The following KAZN variants were observed in gnomAD, a reference collection of about 807,000 sequenced individuals.
KAZN encodes kazrin, periplakin interacting protein.
KAZN carries 40 observed loss-of-function variants against 87.4 expected under a neutral mutation model. The ratio of observed to expected loss-of-function variants is 0.46; its 90% confidence interval spans 0.36 to 0.60. KAZN has a LOEUF of 0.60. Among genes scored for constraint, KAZN ranks in the 20% least tolerant of loss-of-function variants. The probability of loss-of-function intolerance (pLI) is 0.00; values close to 1 mark genes in which losing one functional copy is unlikely to be tolerated. For synonymous variants in KAZN, 466 were observed against 458.3 expected (o/e 1.02, Z -0.22); for missense variants, 898 against 1,073.9 (o/e 0.84, Z 2.29).
chr1:14,282,822 G>A (rs774726188), intron 2 of KAZN, among the ~76,000 whole-genome samples: 1 of 152,138 alleles, frequency 6.6e-6, no homozygotes, highest in Non-Finnish European at 1.5e-5. Flanking sequence ...TAGGGATGCC[G>A]AGCGCCCTTT....
Position 14,115,889 on chromosome 1 carries a change from G to A in KAZN, c.92-64546G>A, listed in dbSNP as rs570537983. Among the ~76,000 whole-genome samples, 7 of 152,318 alleles carry A rather than the reference G, an allele frequency of 4.6e-5. No individual in the cohort carries two copies. The East Asian group carries it at 1.2e-3, about 25-fold the overall frequency. On this transcript the variant is annotated intron_variant, in intron 1 of 16. Transcript: ENST00000636203. ...AATAAGGACCTTCTTGGGAACTAGA[G>A]CAAAGGTGAGTCTTGTTACGTTTTA...
At chr1:14,481,222 C>T (rs61771912) in intron 2 of KAZN, among the ~76,000 whole-genome samples, 208 of 152,260 alleles carry the variant, frequency 1.4e-3, no homozygotes, top group Non-Finnish European at 2.3e-3. Context: ...CCTGCCCACT[C>T]AGTTTTCATA....
chr1:14,477,912 C>G (rs1173494675), intron 2 of KAZN, among the ~76,000 whole-genome samples: 1 of 152,172 alleles, frequency 6.6e-6, no homozygotes, highest in Non-Finnish European at 1.5e-5. Flanking sequence ...TACTTTGAGG[C>G]ATGGTTTCTT....
intron 1 of KAZN, among the ~76,000 whole-genome samples, chr1:14,170,754 C>T (rs1645938249): frequency 6.6e-6 from 1 of 151,884 alleles, no homozygotes; most frequent in Admixed American, 6.6e-5. Flanking sequence ...CAGAGTCTCA[C>T]TCTGTCACCC....
chr1:14,598,804 C>T lies in KAZN; in HGVS notation c.-194C>T. 2 of 1,349,996 alleles carry T rather than the reference C, an allele frequency of 1.5e-6. No homozygotes were observed. Among genetic ancestry groups the T allele is most frequent in the East Asian group, 3.1e-5 (1 of 31,930 alleles). 83.6% of individuals were successfully genotyped at this position (1,349,996 alleles called of 1,614,324 possible). A position where few individuals can be genotyped will look rare whatever the true frequency, so the allele number is the denominator to read the frequency against. On this transcript the variant is annotated 5_prime_UTR_variant, in exon 1 of 15. Coordinates refer to ENST00000376030, the MANE Select transcript of KAZN (RefSeq NM_201628.3). This position sits in a 1 kb window ranked among gnomAD's most constrained non-coding sequence, Gnocchi z 4.2. ...TCCCCCCGCCGCCTCGCCACCGCCG[C>T]GGCTAGGGCTGGAGGCGCCGCTGTC...
At chr1:14,706,061 A>G (rs748816639) in intron 1 of KAZN, among the ~76,000 whole-genome samples, 1 of 152,110 alleles carries the variant, frequency 6.6e-6, no homozygotes, top group Non-Finnish European at 1.5e-5. Flanking sequence ...TTCGATTTGC[A>G]TAGGAATGTG....
intron 1 of KAZN, among the ~76,000 whole-genome samples, chr1:14,022,523 G>GA (rs1640889949): frequency 8.7e-6 from 1 of 114,496 alleles, no homozygotes; most frequent in South Asian, 3.1e-4. Flanking sequence ...AAGAAAAAAA[G>GA]AAAAAAGAAA....
chr1:14,432,785 C>T (rs926050843), intron 2 of KAZN, among the ~76,000 whole-genome samples: 3 of 152,078 alleles, frequency 2.0e-5, no homozygotes, highest in African/African-American at 4.8e-5. Flanking sequence ...CCTATGTTCT[C>T]ATTGTTCAGT....
At chr1:13,962,644 A>C (rs898809168) in intron 1 of KAZN, among the ~76,000 whole-genome samples, 1 of 152,006 alleles carries the variant, frequency 6.6e-6, no homozygotes, top group African/African-American at 2.4e-5. Flanking sequence ...TGCAACCTCC[A>C]CCTGCCAGGT....
intron 1 of KAZN, among the ~76,000 whole-genome samples, chr1:14,872,224 G>A (rs561688512): frequency 2.1e-3 from 324 of 152,256 alleles, no homozygotes; most frequent in Non-Finnish European, 3.4e-3. Context: ...TTTCTTGTCT[G>A]CAAAATGGGA....
chr1:14,507,370 C>A (rs548269788), intron 2 of KAZN, among the ~76,000 whole-genome samples: 5 of 152,276 alleles, frequency 3.3e-5, no homozygotes, highest in African/African-American at 7.2e-5. Flanking sequence ...AAATGACTTA[C>A]AACAGCTGCT....
rs1671092933 is a variant in KAZN at position 14,514,342 on chromosome 1, A to ATTATATATATT, written c.250-84639_250-84638insATATATATTTT. Reference sequence around the variant, plus strand: ...TCTGTCTCAAAAAATTTATATATATATTTATATATATTATATATATATTTA... The same window carrying ATTATATATATT: ...TCTGTCTCAAAAAATTTATATATATATTATATATATTTTTATATATATTATATATATATTTA... On this transcript the variant is annotated intron_variant, in intron 2 of 16. Transcript: ENST00000636203. Among the ~76,000 whole-genome samples, 75 of 26,968 alleles carry ATTATATATATT rather than the reference A, an allele frequency of 2.8e-3. 13 individuals are homozygous for ATTATATATATT. The highest frequency in any genetic ancestry group is 4.7e-3 in the Non-Finnish European group (68 of 14,572). 17.7% of individuals were successfully genotyped at this position (26,968 alleles called of 152,430 possible). A position where few individuals can be genotyped will look rare whatever the true frequency, so the allele number is the denominator to read the frequency against.
At chr1:14,432,279 A>G (rs944327462) in intron 2 of KAZN, among the ~76,000 whole-genome samples, 3 of 152,246 alleles carry the variant, frequency 2.0e-5, no homozygotes, top group Non-Finnish European at 4.4e-5. Context: ...TCACAGTTCA[A>G]TTCTGCAACA....
rs1210201781 is a variant in KAZN at position 14,421,319 on chromosome 1, T to G, written c.250-177664T>G. 2.6e-5 allele frequency among the ~76,000 whole-genome samples: 4 copies of G among 152,302 alleles called. No individual in the cohort carries two copies. In the East Asian group the frequency reaches 5.8e-4, roughly 22 times the overall value. On this transcript the variant is annotated intron_variant, in intron 2 of 16. Transcript: ENST00000636203. ...CCATTCAGAATTTGGTTATTGACTCTGTATTATCTTACATTCTTCTTTTGG... is the reference window on the plus strand; with the variant it reads ...CCATTCAGAATTTGGTTATTGACTCGGTATTATCTTACATTCTTCTTTTGG...
chr1:14,709,268 AAAAACCCAATT>A (rs1642368657), intron 1 of KAZN, among the ~76,000 whole-genome samples: 1 of 152,200 alleles, frequency 6.6e-6, no homozygotes, highest in Non-Finnish European at 1.5e-5. Context: ...TTCTAGAATG[AAAAACCCAATT>A]AATAAAGTGC....
intron 1 of KAZN, among the ~76,000 whole-genome samples, chr1:14,900,479 C>T (rs919148064): frequency 3.3e-5 from 5 of 152,064 alleles, no homozygotes; most frequent in Admixed American, 2.6e-4. Context: ...GTTGGCCGGG[C>T]GCAGTGGCTC....
chr1:14,662,903 AAT>A (rs1027520221), intron 1 of KAZN, among the ~76,000 whole-genome samples: 1 of 144,548 alleles, frequency 6.9e-6, no homozygotes, highest in African/African-American at 2.5e-5. Flanking sequence ...TATATATGTA[AAT>A]ATATATATAC....
At chr1:14,926,416 A>G (rs1432242886) in intron 1 of KAZN, among the ~76,000 whole-genome samples, 1 of 152,174 alleles carries the variant, frequency 6.6e-6, no homozygotes, top group African/African-American at 2.4e-5. Flanking sequence ...GGTGGTTGTT[A>G]TTCCTGCAGC....
chr1:14,852,541 G>C (rs554413428), intron 1 of KAZN, among the ~76,000 whole-genome samples: 1 of 152,038 alleles, frequency 6.6e-6, no homozygotes, highest in Non-Finnish European at 1.5e-5. Flanking sequence ...TCTTCCCACT[G>C]TCTAGGCTTG....
Sources: gnomAD v4.1 joint callset for allele counts (sites outside exome capture counted in the v4.1 genomes callset) on GRCh38, gnomAD v4.1.1 for gene constraint, Gnocchi (gnomAD v3.1) non-coding constraint, MANE v1.5 for transcripts, NCBI Gene and HGNC (gene_info 2026-07-23, HGNC 2026-07-21) for gene names.